L1TD1: variants seen among roughly 807,000 people sequenced by gnomAD.
L1TD1 encodes LINE-1 type transposase domain-containing protein 1.
L1TD1 carries 26 observed loss-of-function variants against 25.7 expected under a neutral mutation model. The ratio of observed to expected loss-of-function variants is 1.01; its 90% CI spans 0.74 to 1.40. The LOEUF is 1.40. Among genes scored for constraint, L1TD1 ranks in the 40% most tolerant of loss-of-function variants. The pLI is 0.00. For missense variants in L1TD1, 1,130 were observed against 975.0 expected (o/e 1.16, Z -2.12); for synonymous variants, 421 against 335.6 (o/e 1.25, Z -2.78).
intron 2 of L1TD1, among the ~76,000 whole-genome samples, chr1:62,205,200 A>T (rs1385839297): frequency 1.3e-5 from 2 of 151,172 alleles, no homozygotes; most frequent in Non-Finnish European, 2.9e-5. Context: ...TACAAAAAAA[A>T]ATTACCTGGC....
Position 62,210,095 on chromosome 1 carries a change from G to A in L1TD1, c.1321G>A (p.Glu441Lys), listed in dbSNP as rs756574486. The A allele has an allele frequency of 3.1e-6, 5 of 1,613,996 alleles. No homozygotes were observed. Among genetic ancestry groups the A allele is most frequent in the East Asian group, 2.2e-5 (1 of 44,880 alleles). Residue 441 changes from glutamate (E) to lysine (K), a missense_variant, in exon 4 of 4, where the codon GAA (glutamate) becomes AAA (lysine). Physicochemically the swap from Glu to Lys is moderately conservative, Grantham distance 56. Coordinates refer to ENST00000498273, the MANE Select transcript of L1TD1 (RefSeq NM_019079.5). ...AGAGGAGGAAGAGGAACAGACTTCA[G>A]AACAGGACTCAACCTTTCAGGGTCA... ...GLEEEEEQTS[E>K]QDSTFQGHTL...
chr1:62,195,093 C>G (rs1670506798), intron 1 of L1TD1, among the ~76,000 whole-genome samples, 172 bp downstream of exon 1: 1 of 151,758 alleles, frequency 6.6e-6, no homozygotes, highest in Non-Finnish European at 1.5e-5. Context: ...TAAGGCTGGT[C>G]TAGGCGCGTG....
rs571691738 is a variant in L1TD1, at chr1:62,199,404, G to A, written c.-111+2876G>A. Among the ~76,000 whole-genome samples the A allele has an allele frequency of 6.0e-5, 9 of 150,726 alleles. No homozygotes were observed. The South Asian group carries it at 8.5e-4, about 14-fold the overall frequency. ...TCCCAGCAACTCAGGAGGCTGAGGC[G>A]GGAGAATCGCTTGAACCCAGGAGGC... On this transcript the variant is annotated intron_variant, in intron 2 of 3. Transcript: ENST00000498273.
chr1:62,211,559 C>A lies in L1TD1; in HGVS notation c.*187C>A. The A allele has an allele frequency of 1.0e-6, 1 of 963,470 alleles. No individual in the cohort carries two copies. Among genetic ancestry groups the A allele is most frequent in the Non-Finnish European group, 1.4e-6 (1 of 699,524 alleles). 59.7% of individuals were successfully genotyped at this position (963,470 alleles called of 1,614,324 possible). ...AAAGGGTATGTTTAAAAAAAATAGG[C>A]TGGTCTCAATGTAGTGAGTTATTTC... On this transcript the variant is annotated 3_prime_UTR_variant, in exon 4 of 4. Transcript: ENST00000498273.
At chr1:62,205,151 C>T (rs185604800) in intron 2 of L1TD1, among the ~76,000 whole-genome samples, 1 of 151,518 alleles carries the variant, frequency 6.6e-6, no homozygotes, top group Non-Finnish European at 1.5e-5. Context: ...GAATTCGAGG[C>T]CAGCCACCAA....
intron 2 of L1TD1, among the ~76,000 whole-genome samples, chr1:62,199,062 AGCCTCTGCTTTCT>A (rs1670595028): frequency 6.6e-6 from 1 of 152,314 alleles, no homozygotes; most frequent in East Asian, 1.9e-4. Context: ...AACTTGTACC[AGCCTCTGCTTTCT>A]TCTTGATCAG....
chr1:62,199,068 T>C (rs1394561125), intron 2 of L1TD1, among the ~76,000 whole-genome samples: 2 of 152,218 alleles, frequency 1.3e-5, no homozygotes, highest in Non-Finnish European at 2.9e-5. Flanking sequence ...TACCAGCCTC[T>C]GCTTTCTTCT....
chr1:62,198,561 T>G (rs72921841), intron 2 of L1TD1, among the ~76,000 whole-genome samples: 4,574 of 150,004 alleles, frequency 0.03, 95 homozygotes, highest in South Asian at 0.051. Flanking sequence ...AGGCTGCCAG[T>G]GTTGAAAAGG....
chr1:62,200,223 T>G (rs1041969743), intron 2 of L1TD1, among the ~76,000 whole-genome samples: 1 of 152,092 alleles, frequency 6.6e-6, no homozygotes, highest in Non-Finnish European at 1.5e-5. Context: ...GTTGCCCAGG[T>G]TGGAGTGCAA....
Position 62,210,854 on chromosome 1 carries a change from G to C in L1TD1, c.2080G>C (p.Glu694Gln), listed in dbSNP as rs546879656. Residue 694 changes from glutamate to glutamine, a missense_variant, in exon 4 of 4, where the codon GAG becomes CAG. Transcript: ENST00000498273. ...TAGTAAAGAAAGGCAAAGAGATATA[G>C]AGGAGAGATCTAGAAGTTGCAACAT... The part of the protein sequence containing the change: ...IISKERQRDI[E>Q]ERSRSCNIRL... 30 of 1,551,148 alleles carry C rather than the reference G, an allele frequency of 1.9e-5. No homozygotes were observed. The highest frequency in any genetic ancestry group is 2.5e-5 in the Non-Finnish European group (29 of 1,146,920).
At chr1:62,199,802 T>G (rs1244020214) in intron 2 of L1TD1, among the ~76,000 whole-genome samples, 1 of 152,164 alleles carries the variant, frequency 6.6e-6, no homozygotes, top group Non-Finnish European at 1.5e-5. Flanking sequence ...CCAGATTAAT[T>G]ACTGAAAAGG....
At chr1:62,204,704 A>G (rs1670702761) in intron 2 of L1TD1, among the ~76,000 whole-genome samples, 2 of 152,038 alleles carry the variant, frequency 1.3e-5, no homozygotes. Context: ...GCCCTGCTTG[A>G]AATTCTTGGT....
At chr1:62,205,136 G>C (rs1670710154) in intron 2 of L1TD1, among the ~76,000 whole-genome samples, 1 of 151,708 alleles carries the variant, frequency 6.6e-6, no homozygotes, top group Non-Finnish European at 1.5e-5. Flanking sequence ...GGATCACGAG[G>C]TCAGGAATTC....
intron 2 of L1TD1, among the ~76,000 whole-genome samples, chr1:62,200,947 G>T (rs1259165907): frequency 2.0e-5 from 3 of 148,816 alleles, no homozygotes; most frequent in Non-Finnish European, 4.5e-5. Context: ...CTTTTTTTTT[G>T]AGATGGAGTC....
At chr1:62,202,814 G>C (rs1030284385) in intron 2 of L1TD1, among the ~76,000 whole-genome samples, 23 of 151,374 alleles carry the variant, frequency 1.5e-4, no homozygotes, top group African/African-American at 5.1e-4. Context: ...CTCCTGAGCA[G>C]CTGGGATTAC....
At chr1:62,200,251 A>G (rs899910791) in intron 2 of L1TD1, among the ~76,000 whole-genome samples, 1 of 152,088 alleles carries the variant, frequency 6.6e-6, no homozygotes, top group Non-Finnish European at 1.5e-5. Flanking sequence ...GTCTCAGCTC[A>G]CTGCAACCTC....
intron 3 of L1TD1, among the ~76,000 whole-genome samples, 168 bp downstream of exon 3, chr1:62,207,804 C>G (rs1570929703): frequency 6.6e-6 from 1 of 152,130 alleles, no homozygotes; most frequent in African/African-American, 2.4e-5. Context: ...CCTCTGCCTC[C>G]CAGGTTCAAG....
chr1:62,203,244 AT>A (rs1670676125), intron 2 of L1TD1, among the ~76,000 whole-genome samples: 1 of 132,832 alleles, frequency 7.5e-6, no homozygotes, highest in Non-Finnish European at 1.8e-5. Context: ...TCAAACATTT[AT>A]CATTTCTTCT....
Position 62,211,318 on chromosome 1 carries a change from T to G in L1TD1, c.2544T>G (p.Asp848Glu). ...TTCTTAGTATTGAAGAATTTAGAGA[T>G]TATGTTTTGCATATGCCCACCTTGA... ...KVFLSIEEFR[D>E]YVLHMPTLRE... The change falls in exon 4 of 4, where the codon GAT (aspartate) becomes GAG (glutamate). Residue 848 changes from aspartate (D) to glutamate (E), a missense_variant. Asp to Glu is a conservative substitution (Grantham distance 45, BLOSUM62 2). Coordinates refer to ENST00000498273, the MANE Select transcript of L1TD1 (RefSeq NM_019079.5). 1 of 1,613,148 alleles carries G rather than the reference T, an allele frequency of 6.2e-7. No individual in the cohort carries two copies. The highest frequency in any genetic ancestry group is 8.5e-7 in the Non-Finnish European group (1 of 1,179,728).
Sources: allele counts gnomAD v4.1 joint callset (sites outside exome capture counted in the v4.1 genomes callset), GRCh38; gene constraint gnomAD v4.1.1; transcripts MANE v1.5; gene names NCBI Gene and HGNC (gene_info 2026-07-23, HGNC 2026-07-21).